Variants in SETBP1 observed in about 807,000 individuals in gnomAD.
SETBP1 encodes SET binding protein 1.
SETBP1 carries 9 observed loss-of-function variants against 101.0 expected under a neutral mutation model. The ratio of observed to expected loss-of-function variants is 0.09; its 90% CI spans 0.05 to 0.16. The LOEUF is 0.16. Ranked by LOEUF, SETBP1 falls within the 10% of genes least tolerant of loss-of-function variation. The pLI is 1.00. For missense variants in SETBP1, 1,858 were observed against 2,033.8 expected (o/e 0.91, Z 1.66); for synonymous variants, 818 against 788.5 (o/e 1.04, Z -0.63).
At chr18:44,949,806 A>T in intron 3 of SETBP1, 75 bp from the exon 4 acceptor site, 1 of 1,183,076 alleles carries the variant, frequency 8.5e-7, no homozygotes, top group Non-Finnish European at 1.2e-6. Context: ...GATGTCAAAT[A>T]TTAAGTAGCT....
intron 2 of SETBP1, among the ~76,000 whole-genome samples, chr18:44,862,166 A>T (rs1351015780): frequency 2.0e-5 from 3 of 152,198 alleles, no homozygotes; most frequent in Non-Finnish European, 2.9e-5. Flanking sequence ...AATATATATA[A>T]AAGCTCTCTT....
At chr18:44,940,067 C>A (rs1351202170) in intron 3 of SETBP1, among the ~76,000 whole-genome samples, 1 of 152,158 alleles carries the variant, frequency 6.6e-6, no homozygotes, top group African/African-American at 2.4e-5. Context: ...GAGGGACAAA[C>A]AAATTTAGGA....
intron 2 of SETBP1, among the ~76,000 whole-genome samples, chr18:44,780,390 C>G (rs139807397): frequency 7.2e-4 from 110 of 152,280 alleles, no homozygotes; most frequent in Non-Finnish European, 1.3e-3. Context: ...CCTTGGGTAC[C>G]TAAGATTTTA....
chr18:44,741,760 C>T (rs527548861), intron 2 of SETBP1, among the ~76,000 whole-genome samples: 4 of 152,240 alleles, frequency 2.6e-5, no homozygotes, highest in East Asian at 3.9e-4. Context: ...CACTGAGGAG[C>T]GTGAAGCCAC....
At chr18:44,946,868 G>A (rs2071219332) in intron 3 of SETBP1, among the ~76,000 whole-genome samples, 1 of 152,188 alleles carries the variant, frequency 6.6e-6, no homozygotes, top group Non-Finnish European at 1.5e-5. Context: ...TTTATGGGAG[G>A]CAGTGGCAAA....
rs145449870 is a variant in SETBP1 at position 44,808,457 on chromosome 18, G to A, written c.487-60773G>A. On this transcript the variant is annotated intron_variant, in intron 2 of 5. Coordinates refer to ENST00000649279, the MANE Select transcript of SETBP1 (RefSeq NM_015559.3). ...AGAGTTGGGAAAGGTCAGAGCCAACGAGAGTAGCTCAGGAAGTCTTCAGGG... is the reference window on the plus strand; with the variant it reads ...AGAGTTGGGAAAGGTCAGAGCCAACAAGAGTAGCTCAGGAAGTCTTCAGGG... 5.0e-3 allele frequency among the ~76,000 whole-genome samples: 769 copies of A among 152,310 alleles called. 3 individuals are homozygous for A. Among genetic ancestry groups the A allele is most frequent in the African/African-American group, 0.018 (744 of 41,576 alleles).
chr18:45,006,635 AG>A (rs2072734004), intron 4 of SETBP1, among the ~76,000 whole-genome samples: 1 of 152,144 alleles, frequency 6.6e-6, no homozygotes, highest in African/African-American at 2.4e-5. Flanking sequence ...CCCTGTGTAC[AG>A]GCCTGTGTCA....
At chr18:44,721,863 T>C (rs549800419) in intron 2 of SETBP1, among the ~76,000 whole-genome samples, 101 of 152,338 alleles carry the variant, frequency 6.6e-4, no homozygotes, top group African/African-American at 2.3e-3. Flanking sequence ...TTAGTGTCCA[T>C]TGTAAGCAGA....
At chr18:44,943,830 C>A (rs1281103241) in intron 3 of SETBP1, among the ~76,000 whole-genome samples, 1 of 117,490 alleles carries the variant, frequency 8.5e-6, no homozygotes, top group Non-Finnish European at 1.8e-5. Context: ...TTTCTTTTTT[C>A]TTTTTTTTTC....
intron 2 of SETBP1, among the ~76,000 whole-genome samples, chr18:44,845,997 G>A (rs2072717346): frequency 6.6e-6 from 1 of 152,188 alleles, no homozygotes; most frequent in Admixed American, 6.5e-5. Flanking sequence ...AAGGCTGGTG[G>A]TGCCTGAGAG....
intron 4 of SETBP1, among the ~76,000 whole-genome samples, chr18:44,990,844 A>C (rs1260700769): frequency 1.3e-5 from 2 of 151,144 alleles, no homozygotes; most frequent in Non-Finnish European, 2.9e-5. Flanking sequence ...ATGTTGTTAC[A>C]TTAAATTTGG....
At chr18:44,986,199 G>C (rs2072229790) in intron 4 of SETBP1, 1 of 152,134 alleles carries the variant, frequency 6.6e-6, no homozygotes, top group Non-Finnish European at 1.5e-5. Context: ...TTAGAGTACT[G>C]AATACTGTAG....
In SETBP1 at chr18:44,750,824, C is replaced by T. The variant is rs527670201; in HGVS notation, c.486+48992C>T. Among the ~76,000 whole-genome samples, 6 of 152,280 alleles carry T rather than the reference C, an allele frequency of 3.9e-5. No homozygotes were observed. In the South Asian group the frequency reaches 1.0e-3, roughly 26 times the overall value. On this transcript the variant is annotated intron_variant, in intron 2 of 5. Coordinates refer to ENST00000649279, the MANE Select transcript of SETBP1 (RefSeq NM_015559.3). ...ATCAAGTTATGAAAGATTTTAAGAA[C>T]AAAACTAGCTAAGATGCAAAGTGTG...
At chr18:45,011,336 TCTC>T (rs1333435615) in intron 4 of SETBP1, among the ~76,000 whole-genome samples, 3 of 152,090 alleles carry the variant, frequency 2.0e-5, no homozygotes, top group African/African-American at 7.2e-5. Context: ...TCTAGATAAA[TCTC>T]CTCTCTGGTG....
chr18:44,827,672 T>G (rs2072266426), intron 2 of SETBP1, among the ~76,000 whole-genome samples: 1 of 152,214 alleles, frequency 6.6e-6, no homozygotes, highest in Non-Finnish European at 1.5e-5. Context: ...AACCTTATTC[T>G]TCTTGGGTGA....
intron 1 of SETBP1, among the ~76,000 whole-genome samples, chr18:44,690,062 G>T (rs919863046): frequency 6.6e-6 from 1 of 152,102 alleles, no homozygotes; most frequent in Non-Finnish European, 1.5e-5. Context: ...TTCAGCATGG[G>T]GTTCAAAAGA....
chr18:45,013,297 G>A (rs1006606971), intron 4 of SETBP1, among the ~76,000 whole-genome samples: 50 of 152,182 alleles, frequency 3.3e-4, no homozygotes, highest in African/African-American at 1.1e-3. Context: ...AGGAAAATCC[G>A]GTTGCCTCAG....
chr18:44,994,864 G>T (rs1158289469), intron 4 of SETBP1, among the ~76,000 whole-genome samples: 1 of 152,138 alleles, frequency 6.6e-6, no homozygotes, highest in South Asian at 2.1e-4. Flanking sequence ...AAGAAAGGAG[G>T]TTGGGCAGGG....
At chr18:44,975,650 A>G (rs967415961) in intron 4 of SETBP1, among the ~76,000 whole-genome samples, 2 of 152,228 alleles carry the variant, frequency 1.3e-5, no homozygotes, top group African/African-American at 2.4e-5. Flanking sequence ...CGAATAAGCA[A>G]AAATATATGA....
Sources: allele counts gnomAD v4.1 joint callset (sites outside exome capture counted in the v4.1 genomes callset), GRCh38; gene constraint gnomAD v4.1.1; transcripts MANE v1.5; gene names NCBI Gene and HGNC (gene_info 2026-07-23, HGNC 2026-07-21).